GTPBP10: variants seen among roughly 807,000 people sequenced by gnomAD.
GTPBP10 encodes GTP binding protein 10.
Under a neutral mutation model 44.8 loss-of-function variants are expected in GTPBP10, and 38 were observed. The observed-to-expected ratio is 0.85, with a 90% CI of 0.65 to 1.11. GTPBP10 has a LOEUF of 1.11. Ranked by LOEUF, GTPBP10 falls within the 50% of genes most tolerant of loss-of-function variation. The probability of loss-of-function intolerance (pLI) is 0.00; values close to 1 mark genes in which losing one functional copy is unlikely to be tolerated. For synonymous variants in GTPBP10, 152 were observed against 150.6 expected (o/e 1.01, Z -0.07); for missense variants, 462 against 453.7 (o/e 1.02, Z -0.17).
At position 90,389,394 on chromosome 7, in the gene GTPBP10, T is replaced by A. The variant is rs1446223189; in HGVS notation, c.*4240T>A. 1 of 143,104 alleles carries A rather than the reference T, an allele frequency of 7.0e-6. No individual in the cohort carries two copies. The highest frequency in any genetic ancestry group is 2.6e-5 in the African/African-American group (1 of 38,444). The allele number at this position is 143,104 out of a possible 1,614,324, so 8.9% of individuals were successfully genotyped here. On this transcript the variant is annotated 3_prime_UTR_variant, in exon 10 of 10. Coordinates refer to ENST00000222511, the MANE Select transcript of GTPBP10 (RefSeq NM_033107.4). The stretch of plus-strand genomic sequence containing the variant: ...GGAGCCTAAAAAATTTGAATTTTTT[T>A]TTTTCCCCCCCCAGACGGAGTCTCG...
At chr7:90,365,525 G>A (rs905365853) in intron 4 of GTPBP10, among the ~76,000 whole-genome samples, 12 of 150,914 alleles carry the variant, frequency 8.0e-5, no homozygotes, top group Admixed American at 2.0e-4. Flanking sequence ...ACAGGCGCCC[G>A]CCACTACGCC....
intron 4 of GTPBP10, among the ~76,000 whole-genome samples, chr7:90,363,019 T>C (rs1479665588): frequency 6.6e-6 from 1 of 152,202 alleles, no homozygotes; most frequent in Non-Finnish European, 1.5e-5. Context: ...ATTTTGAGCC[T>C]ATGTGTGTCT....
intron 8 of GTPBP10, among the ~76,000 whole-genome samples, chr7:90,380,197 G>A (rs374600113): frequency 1.9e-4 from 28 of 149,696 alleles, no homozygotes; most frequent in East Asian, 1.4e-3. Context: ...TCCAGCCTCA[G>A]CCTCCCCAGT....
chr7:90,360,963 T>G (rs1457419987), intron 4 of GTPBP10, among the ~76,000 whole-genome samples: 1 of 152,222 alleles, frequency 6.6e-6, no homozygotes, highest in Non-Finnish European at 1.5e-5. Context: ...ATAAGAATGC[T>G]TGTGATTTTT....
intron 1 of GTPBP10, among the ~76,000 whole-genome samples, chr7:90,351,700 G>A (rs1455585294): frequency 2.0e-5 from 3 of 151,576 alleles, no homozygotes; most frequent in African/African-American, 7.3e-5. Flanking sequence ...TATTTCATAA[G>A]CATTTTTTTT....
intron 6 of GTPBP10, among the ~76,000 whole-genome samples, chr7:90,374,652 AT>A: frequency 6.6e-6 from 1 of 152,134 alleles, no homozygotes; most frequent in Admixed American, 6.5e-5. Context: ...ATTTATCTTC[AT>A]TTTTTAAAAA....
At chr7:90,356,799 C>T (rs546648350) in intron 4 of GTPBP10, among the ~76,000 whole-genome samples, 14 of 152,154 alleles carry the variant, frequency 9.2e-5, no homozygotes, top group African/African-American at 2.6e-4. Flanking sequence ...CATTTTTGTA[C>T]GTTCAATGAA....
At position 90,389,185 on chromosome 7, in the gene GTPBP10, TGTTCGA is replaced by T. The variant is rs1206822534; in HGVS notation, c.*4034_*4039del. The T allele has an allele frequency of 6.6e-6, 1 of 152,210 alleles. No homozygotes were observed. Among genetic ancestry groups the T allele is most frequent in the Non-Finnish European group, 1.5e-5 (1 of 68,046 alleles). The allele number at this position is 152,210 out of a possible 1,614,324, so 9.4% of individuals were successfully genotyped here. ...GAAAGTGAAACAAATCCAGAAATCTTGTTCGAGTACATGGTCTGTGCTAGTAATCAT... is the reference window on the plus strand; with the variant it reads ...GAAAGTGAAACAAATCCAGAAATCTTGTACATGGTCTGTGCTAGTAATCAT... On this transcript the variant is annotated 3_prime_UTR_variant, in exon 10 of 10. Coordinates refer to ENST00000222511, the MANE Select transcript of GTPBP10 (RefSeq NM_033107.4).
chr7:90,367,790 G>A (rs60380533), intron 4 of GTPBP10, among the ~76,000 whole-genome samples: 32,314 of 151,994 alleles, frequency 0.21, 3,660 homozygotes, highest in African/African-American at 0.27. Context: ...ATTTAAGGTT[G>A]ATATTGTTAT....
At chr7:90,379,741 A>G (rs930600894) in intron 8 of GTPBP10, among the ~76,000 whole-genome samples, 4 of 152,212 alleles carry the variant, frequency 2.6e-5, no homozygotes, top group African/African-American at 7.2e-5. Context: ...AGGAACTGCC[A>G]AACTATTCTG....
At chr7:90,368,156 A>G (rs1796174461) in intron 4 of GTPBP10, among the ~76,000 whole-genome samples, 1 of 152,132 alleles carries the variant, frequency 6.6e-6, no homozygotes, top group South Asian at 2.1e-4. Context: ...ATCCACTGTT[A>G]GTCTGATGGG....
At chr7:90,371,221 ACCTGT>A in intron 4 of GTPBP10, 1 of 962,846 alleles carries the variant, frequency 1.0e-6, no homozygotes, top group South Asian at 4.8e-5. Flanking sequence ...GTGTCTGTCT[ACCTGT>A]ATACACATTT....
In GTPBP10 at chr7:90,387,116, C is replaced by A. The variant is rs1354466975; in HGVS notation, c.*1962C>A. 6.6e-6 allele frequency: 1 copy of A among 152,072 alleles called. No individual in the cohort carries two copies. Among genetic ancestry groups the A allele is most frequent in the Non-Finnish European group, 1.5e-5 (1 of 68,026 alleles). The allele number at this position is 152,072 out of a possible 1,614,324, so 9.4% of individuals were successfully genotyped here. A position where few individuals can be genotyped will look rare whatever the true frequency, so the allele number is the denominator to read the frequency against. ...CTTTGGGAGGCTGAGGCAGGAAGAC[C>A]ACTTGAGGTCAGGAGTTCAAGACCA... On this transcript the variant is annotated 3_prime_UTR_variant, in exon 10 of 10. Transcript: ENST00000222511.
chr7:90,346,775 G>A lies in GTPBP10; in HGVS notation c.33+1G>A. The A allele has an allele frequency of 6.2e-7, 1 of 1,614,190 alleles. No homozygotes were observed. Among genetic ancestry groups the A allele is most frequent in the Non-Finnish European group, 8.5e-7 (1 of 1,180,010 alleles). On this transcript the variant is annotated splice_donor_variant, in intron 1 of 9. Coordinates refer to ENST00000222511, the MANE Select transcript of GTPBP10 (RefSeq NM_033107.4). LOFTEE classifies it high-confidence loss of function. ...TTGCAGTTGCGTGTTGTTCAGAAAG[G>A]TCCGTGCGGGTCCCCTCAGCCTGGT...
At chr7:90,366,499 G>C (rs995862111) in intron 4 of GTPBP10, among the ~76,000 whole-genome samples, 23 of 152,034 alleles carry the variant, frequency 1.5e-4, no homozygotes, top group African/African-American at 4.3e-4. Flanking sequence ...TCCTGTTTTA[G>C]TCTTGGGAGC....
intron 6 of GTPBP10, among the ~76,000 whole-genome samples, chr7:90,375,765 GC>G (rs1343135232): frequency 6.6e-6 from 1 of 152,010 alleles, no homozygotes; most frequent in African/African-American, 2.4e-5. Context: ...GTCGAGTACT[GC>G]CTCTCATTCT....
At position 90,365,329 on chromosome 7, in the gene GTPBP10, T is replaced by C. The variant is rs534278182; in HGVS notation, c.465-6826T>C. On this transcript the variant is annotated intron_variant, in intron 4 of 9. Coordinates refer to ENST00000222511, the MANE Select transcript of GTPBP10 (RefSeq NM_033107.4). ...CCTGAGACTTTGCTGAAGTTGCTTA[T>C]CAGCTTAAGGAGATTTTGGACTGAG... Among the ~76,000 whole-genome samples the C allele has an allele frequency of 1.1e-4, 17 of 151,650 alleles. No individual in the cohort carries two copies. The South Asian group carries it at 3.3e-3, about 30-fold the overall frequency.
At position 90,351,128 on chromosome 7, in the gene GTPBP10, G is replaced by A. The variant is rs534867259; in HGVS notation, c.34-1688G>A. Among the ~76,000 whole-genome samples the A allele has an allele frequency of 6.6e-5, 10 of 152,318 alleles. 1 individual carries two copies. The highest frequency in any genetic ancestry group is 1.0e-4 in the Non-Finnish European group (7 of 68,030). On this transcript the variant is annotated intron_variant, in intron 1 of 9. Transcript: ENST00000222511. ...CGGGATAGTTACAGGAGGTAACTAC[G>A]AAATTATTACAGTATTCCACGATGT...
intron 4 of GTPBP10, among the ~76,000 whole-genome samples, chr7:90,360,665 A>T (rs1170564603): frequency 6.6e-6 from 1 of 152,112 alleles, no homozygotes; most frequent in Non-Finnish European, 1.5e-5. Context: ...GTTTTTTCCA[A>T]TTCTGTAAAG....
Sources: allele counts gnomAD v4.1 joint callset (sites outside exome capture counted in the v4.1 genomes callset), GRCh38; gene constraint gnomAD v4.1.1; transcripts MANE v1.5; gene names NCBI Gene and HGNC (gene_info 2026-07-23, HGNC 2026-07-21).